The following CDKAL1 variants were observed in gnomAD, a reference collection of about 807,000 sequenced individuals.
The protein encoded by CDKAL1 is CDKAL1 threonylcarbamoyladenosine tRNA methylthiotransferase.
Under a neutral mutation model 68.2 loss-of-function variants are expected in CDKAL1, and 32 were observed. The observed-to-expected ratio is 0.47, with a 90% confidence interval of 0.35 to 0.63. CDKAL1 has a LOEUF of 0.63. CDKAL1 is among the 30% of genes least tolerant of loss of function. CDKAL1 has a pLI of 0.00. For missense variants in CDKAL1, 606 were observed against 696.7 expected, an observed-to-expected ratio of 0.87 and a Z score of 1.47; for synonymous variants, 234 against 244.3, an observed-to-expected ratio of 0.96 and a Z score of 0.39.
chr6:20,831,672 AGTT>A (rs1329336945), intron 8 of CDKAL1, among the ~76,000 whole-genome samples: 1 of 152,108 alleles, frequency 6.6e-6, no homozygotes, highest in Non-Finnish European at 1.5e-5. Context: ...GCTCCTCATC[AGTT>A]GTTGTATACA....
intron 13 of CDKAL1, among the ~76,000 whole-genome samples, chr6:21,108,993 G>A (rs1301671741): frequency 6.6e-6 from 1 of 152,108 alleles, no homozygotes; most frequent in Admixed American, 6.5e-5. Flanking sequence ...CAGCTTCATA[G>A]ATTCATAGTC....
At chr6:21,181,471 T>C (rs2151086638) in intron 13 of CDKAL1, among the ~76,000 whole-genome samples, 1 of 152,356 alleles carries the variant, frequency 6.6e-6, no homozygotes, top group East Asian at 1.9e-4. Flanking sequence ...GCCTTCTCTT[T>C]GCCCTTCTAC....
At chr6:20,940,516 C>G (rs1348679468) in intron 9 of CDKAL1, among the ~76,000 whole-genome samples, 2 of 152,076 alleles carry the variant, frequency 1.3e-5, no homozygotes, top group African/African-American at 2.4e-5. Context: ...TACTTTAACT[C>G]GTTATATCCA....
At chr6:20,853,149 C>T (rs888786105) in intron 9 of CDKAL1, among the ~76,000 whole-genome samples, 1 of 151,844 alleles carries the variant, frequency 6.6e-6, no homozygotes, top group Non-Finnish European at 1.5e-5. Flanking sequence ...GAGAGGGTCT[C>T]GGCAGGCAGA....
At chr6:20,860,396 T>A (rs947385820) in intron 9 of CDKAL1, among the ~76,000 whole-genome samples, 1 of 152,218 alleles carries the variant, frequency 6.6e-6, no homozygotes, top group African/African-American at 2.4e-5. Context: ...TTATCATAAT[T>A]TGTACTTTGT....
At chr6:20,656,354 G>A (rs918837035) in intron 5 of CDKAL1, among the ~76,000 whole-genome samples, 1 of 152,174 alleles carries the variant, frequency 6.6e-6, no homozygotes, top group Non-Finnish European at 1.5e-5. Flanking sequence ...TTACCGGAGC[G>A]ATGGCAAGAG....
At chr6:20,846,566 G>T (rs368075143) in intron 9 of CDKAL1, among the ~76,000 whole-genome samples, 126 of 152,226 alleles carry the variant, frequency 8.3e-4, no homozygotes, top group African/African-American at 3.0e-3. Context: ...GGACCATTTA[G>T]AAAATAGAGC....
At chr6:21,198,849 G>A (rs1378162218) in intron 14 of CDKAL1, among the ~76,000 whole-genome samples, 2 of 152,182 alleles carry the variant, frequency 1.3e-5, no homozygotes. Flanking sequence ...AGGTGGGAGA[G>A]CAATTCAAAA....
intron 10 of CDKAL1, among the ~76,000 whole-genome samples, chr6:20,980,404 A>AT (rs1236746830): frequency 1.3e-5 from 2 of 151,798 alleles, no homozygotes; most frequent in African/African-American, 2.4e-5. Flanking sequence ...TGCCTGGCAA[A>AT]TTTTTTGTAT....
chr6:21,094,258 C>A (rs1773206592), intron 12 of CDKAL1, among the ~76,000 whole-genome samples: 1 of 151,184 alleles, frequency 6.6e-6, no homozygotes, highest in Non-Finnish European at 1.5e-5. Context: ...TTACCAATAG[C>A]AAAAATGACA....
chr6:21,184,738 C>T (rs1252362469), intron 13 of CDKAL1, among the ~76,000 whole-genome samples: 2 of 152,200 alleles, frequency 1.3e-5, no homozygotes, highest in East Asian at 3.9e-4. Flanking sequence ...GGTGCCTTGA[C>T]CTCCTGGGCA....
chr6:20,682,439 A>G (rs1770421003), intron 5 of CDKAL1, among the ~76,000 whole-genome samples: 1 of 152,182 alleles, frequency 6.6e-6, no homozygotes, highest in Admixed American at 6.5e-5. Flanking sequence ...TATAGGAAGC[A>G]TGGCTGGAGA....
At chr6:21,010,720 A>C (rs1767964340) in intron 11 of CDKAL1, among the ~76,000 whole-genome samples, 1 of 152,214 alleles carries the variant, frequency 6.6e-6, no homozygotes, top group Non-Finnish European at 1.5e-5. Context: ...AGTCCTCAGA[A>C]AAAATGAGAA....
chr6:21,191,016 T>C (rs1002952710), intron 13 of CDKAL1, among the ~76,000 whole-genome samples: 3 of 152,238 alleles, frequency 2.0e-5, no homozygotes, highest in African/African-American at 4.8e-5. Context: ...TAAAGCCATA[T>C]ATGAGTTTAA....
chr6:20,666,825 A>G (rs950262926), intron 5 of CDKAL1, among the ~76,000 whole-genome samples: 2 of 151,958 alleles, frequency 1.3e-5, no homozygotes, highest in African/African-American at 4.8e-5. Flanking sequence ...TAAAGATTTA[A>G]CTAGTTCTTT....
At chr6:20,645,331 A>T (rs905680028) in intron 4 of CDKAL1, among the ~76,000 whole-genome samples, 4 of 152,128 alleles carry the variant, frequency 2.6e-5, no homozygotes, top group Non-Finnish European at 5.9e-5. Flanking sequence ...TGAACCTTTT[A>T]ATTTTTGAAA....
rs751090734 is a variant in CDKAL1, at chr6:20,692,669, A to G, written c.371+43292A>G. Among the ~76,000 whole-genome samples the G allele has an allele frequency of 3.9e-4, 59 of 152,044 alleles. 1 individual carries two copies. The highest frequency in any genetic ancestry group is 3.8e-4 in the Non-Finnish European group (26 of 68,002). Reference sequence around the variant, plus strand: ...AAGTAACAGTAATTATCAGTTTTGTACTTTTTTTCTGGAAAATATTATCTT... The same window carrying G: ...AAGTAACAGTAATTATCAGTTTTGTGCTTTTTTTCTGGAAAATATTATCTT... On this transcript the variant is annotated intron_variant, in intron 5 of 15. Transcript: ENST00000274695.
At chr6:21,207,606 G>A (rs1207537937) in intron 15 of CDKAL1, among the ~76,000 whole-genome samples, 1 of 152,144 alleles carries the variant, frequency 6.6e-6, no homozygotes, top group Non-Finnish European at 1.5e-5. Context: ...GATTACCCAG[G>A]TTTGAATCTT....
intron 7 of CDKAL1, among the ~76,000 whole-genome samples, chr6:20,761,854 A>G (rs1774482717): frequency 6.6e-6 from 1 of 152,196 alleles, no homozygotes; most frequent in Non-Finnish European, 1.5e-5. Context: ...AATTGTCATT[A>G]TATATTTGTT....
Sources: gnomAD v4.1 joint callset for allele counts (sites outside exome capture counted in the v4.1 genomes callset) on GRCh38, gnomAD v4.1.1 for gene constraint, MANE v1.5 for transcripts, NCBI Gene and HGNC (gene_info 2026-07-23, HGNC 2026-07-21) for gene names.